Variants in KCND3 observed in about 807,000 individuals in gnomAD.
KCND3 encodes the protein A-type voltage-gated potassium channel KCND3.
A neutral mutation model predicts 51.1 loss-of-function variants in KCND3; 9 were observed. That is an observed-to-expected ratio of 0.18 (90% CI 0.11 to 0.31). The LOEUF is 0.31. Ranked by LOEUF, KCND3 falls within the 10% of genes least tolerant of loss-of-function variation. The pLI is 1.00. For missense variants in KCND3, 526 were observed against 903.8 expected, an observed-to-expected ratio of 0.58 and a Z score of 5.36; for synonymous variants, 349 against 368.0, an observed-to-expected ratio of 0.95 and a Z score of 0.59.
chr1:111,816,077 G>A (rs555963319), intron 2 of KCND3, among the ~76,000 whole-genome samples: 5 of 152,370 alleles, frequency 3.3e-5, no homozygotes, highest in African/African-American at 9.6e-5. Flanking sequence ...AACAGTCAAC[G>A]AGGTAGGTGC....
intron 1 of KCND3, among the ~76,000 whole-genome samples, chr1:111,985,475 G>A (rs988537943): frequency 3.3e-5 from 5 of 152,202 alleles, no homozygotes; most frequent in Non-Finnish European, 7.3e-5. Flanking sequence ...GGCAAAGGCC[G>A]AGATGCCTCC....
chr1:111,874,741 A>G (rs1416422932), intron 2 of KCND3, among the ~76,000 whole-genome samples: 1 of 152,122 alleles, frequency 6.6e-6, no homozygotes, highest in East Asian at 1.9e-4. Flanking sequence ...TCCCCCAACA[A>G]TGACACACAC....
chr1:111,959,323 TA>T (rs1673510071), intron 2 of KCND3, among the ~76,000 whole-genome samples: 1 of 152,190 alleles, frequency 6.6e-6, no homozygotes, highest in African/African-American at 2.4e-5. Flanking sequence ...GAGAGACAAC[TA>T]TAAACACAGA....
At chr1:111,866,749 T>C (rs1668594462) in intron 2 of KCND3, among the ~76,000 whole-genome samples, 1 of 152,112 alleles carries the variant, frequency 6.6e-6, no homozygotes, top group African/African-American at 2.4e-5. Context: ...TTGGGCAACA[T>C]AGTGAGACCC....
At chr1:111,855,486 A>T (rs1471093016) in intron 2 of KCND3, among the ~76,000 whole-genome samples, 3 of 152,198 alleles carry the variant, frequency 2.0e-5, no homozygotes, top group Non-Finnish European at 4.4e-5. Flanking sequence ...TCTTTGTCTT[A>T]TGCTAATGAC....
At chr1:111,932,416 A>T (rs1672019738) in intron 2 of KCND3, among the ~76,000 whole-genome samples, 1 of 152,114 alleles carries the variant, frequency 6.6e-6, no homozygotes, top group African/African-American at 2.4e-5. Flanking sequence ...TTAAGCTTAC[A>T]ATGCAGTGGC....
chr1:111,814,268 C>T (rs886457925), intron 2 of KCND3, among the ~76,000 whole-genome samples: 1 of 152,166 alleles, frequency 6.6e-6, no homozygotes, highest in Admixed American at 6.5e-5. Flanking sequence ...AGGAGCCCAA[C>T]AAATAAACGG....
At chr1:111,975,764 G>A (rs1044970179) in intron 2 of KCND3, among the ~76,000 whole-genome samples, 8 of 152,152 alleles carry the variant, frequency 5.3e-5, no homozygotes, top group African/African-American at 1.9e-4. Context: ...TCCTGCTCTT[G>A]CAGCTTGACC....
chr1:111,916,591 C>G (rs1378628767), intron 2 of KCND3, among the ~76,000 whole-genome samples: 1 of 151,978 alleles, frequency 6.6e-6, no homozygotes, highest in African/African-American at 2.4e-5. Context: ...AACAGAAAGG[C>G]AAAGAGAAAT....
intron 2 of KCND3, among the ~76,000 whole-genome samples, chr1:111,905,590 CCTGGAGATTCTGCTTCCAGA>C (rs1670609693): frequency 6.6e-6 from 1 of 152,162 alleles, no homozygotes; most frequent in Non-Finnish European, 1.5e-5. Context: ...CTCGCTCTGA[CCTGGAGATTCTGCTTCCAGA>C]GGTGGAGGCT....
rs139101950 is a variant in KCND3 at position 111,827,885 on chromosome 1, C to T, written c.1107-40779G>A. Among the ~76,000 whole-genome samples the T allele has an allele frequency of 2.4e-4, 36 of 152,230 alleles. No individual in the cohort carries two copies. In the East Asian group the frequency reaches 6.9e-3, roughly 29 times the overall value. Reference sequence around the variant, plus strand: ...GGGCTCCAAGGGATGCAGCAGGGGGCCCTGCTATCTTTTTTCTAGAGCCCT... The same window carrying T: ...GGGCTCCAAGGGATGCAGCAGGGGGTCCTGCTATCTTTTTTCTAGAGCCCT... On this transcript the variant is annotated intron_variant, in intron 2 of 7. Transcript: ENST00000302127.
chr1:111,776,291 A>G lies in KCND3; in HGVS notation c.1767-13T>C. On this transcript the variant is annotated splice_polypyrimidine_tract_variant and intron_variant, in intron 7 of 7. Coordinates refer to ENST00000302127, the MANE Select transcript of KCND3 (RefSeq NM_001378969.1). ...AAGGCTGGAGCGACTGGGATAGAAA[A>G]GAGTGAGTTGATGATGGTTCCTGCT... is the stretch of plus-strand genomic sequence containing the variant. 1 of 1,612,346 alleles carries G rather than the reference A, an allele frequency of 6.2e-7. No homozygotes were observed. Among genetic ancestry groups the G allele is most frequent in the Non-Finnish European group, 8.5e-7 (1 of 1,179,150 alleles).
At chr1:111,777,883 C>G (rs1664199574) in intron 6 of KCND3, among the ~76,000 whole-genome samples, 2 of 152,106 alleles carry the variant, frequency 1.3e-5, no homozygotes, top group African/African-American at 4.8e-5. Context: ...GCACAGGATT[C>G]CCTAGGTCAA....
chr1:111,863,642 G>A (rs956721121), intron 2 of KCND3, among the ~76,000 whole-genome samples: 3 of 152,230 alleles, frequency 2.0e-5, no homozygotes, highest in Non-Finnish European at 4.4e-5. Flanking sequence ...AGAGGCAGAG[G>A]TCACAGGGGA....
At chr1:111,970,972 G>T (rs1233944776) in intron 2 of KCND3, among the ~76,000 whole-genome samples, 1 of 152,178 alleles carries the variant, frequency 6.6e-6, no homozygotes, top group Non-Finnish European at 1.5e-5. Context: ...TGCTCCCAGT[G>T]ATACCAGCGG....
intron 1 of KCND3, among the ~76,000 whole-genome samples, chr1:111,984,617 C>T (rs188203085): frequency 6.6e-6 from 1 of 152,280 alleles, no homozygotes; most frequent in African/African-American, 2.4e-5. Context: ...GTATTTTACC[C>T]CACGACCTAC....
At chr1:111,980,160 G>T (rs181522018) in intron 2 of KCND3, among the ~76,000 whole-genome samples, 5 of 151,144 alleles carry the variant, frequency 3.3e-5, no homozygotes, top group Non-Finnish European at 7.4e-5. Context: ...AAGGTCAAAT[G>T]ACCAAACATT....
rs564647904 is a variant in KCND3, at chr1:111,812,780, T to C, written c.1107-25674A>G. On this transcript the variant is annotated intron_variant, in intron 2 of 7. Coordinates refer to ENST00000302127, the MANE Select transcript of KCND3 (RefSeq NM_001378969.1). ...GCCCTTGCCCCACTCATTGTGGCTA[T>C]AGGGCACAGGGAGCCGGGCACAGGC... Among the ~76,000 whole-genome samples the C allele has an allele frequency of 7.9e-5, 12 of 152,298 alleles. No individual in the cohort carries two copies. In the South Asian group the frequency reaches 1.2e-3, roughly 16 times the overall value.
At chr1:111,903,209 G>A (rs1396512512) in intron 2 of KCND3, among the ~76,000 whole-genome samples, 1 of 152,218 alleles carries the variant, frequency 6.6e-6, no homozygotes, top group Non-Finnish European at 1.5e-5. Context: ...GGAGCAGAAG[G>A]AAAGTACCAG....
Sources: gnomAD v4.1 joint callset for allele counts (sites outside exome capture counted in the v4.1 genomes callset) on GRCh38, gnomAD v4.1.1 for gene constraint, MANE v1.5 for transcripts, NCBI Gene and HGNC (gene_info 2026-07-23, HGNC 2026-07-21) for gene names.